The following MED13L variants were observed in gnomAD, a reference collection of about 807,000 sequenced individuals.
MED13L encodes mediator complex subunit 13L, also known as mediator of RNA polymerase II transcription subunit 13-like.
A neutral mutation model predicts 220.9 loss-of-function variants in MED13L; 7 were observed. That is an observed-to-expected ratio of 0.03 (90% CI 0.02 to 0.06). MED13L has a LOEUF of 0.06. Among genes scored for constraint, MED13L ranks in the 10% least tolerant of loss-of-function variants. The pLI is 1.00. For missense variants in MED13L, 1,965 were observed against 2,760.5 expected, an observed-to-expected ratio of 0.71 and a Z score of 6.46; for synonymous variants, 1,011 against 1,015.2, an observed-to-expected ratio of 1.00 and a Z score of 0.08.
At chr12:116,254,598 C>G (rs1871875038) in intron 1 of MED13L, among the ~76,000 whole-genome samples, 1 of 151,792 alleles carries the variant, frequency 6.6e-6, no homozygotes, top group Non-Finnish European at 1.5e-5. Flanking sequence ...AAAACACAAA[C>G]AAATTAGCCA....
intron 4 of MED13L, among the ~76,000 whole-genome samples, chr12:116,083,440 A>C (rs1325991243): frequency 1.3e-5 from 2 of 151,492 alleles, no homozygotes; most frequent in African/African-American, 4.8e-5. Flanking sequence ...CCTGCGCAAC[A>C]AAGTGGACAT....
intron 4 of MED13L, among the ~76,000 whole-genome samples, chr12:116,058,514 A>G (rs1054500050): frequency 1.3e-5 from 2 of 152,150 alleles, no homozygotes; most frequent in African/African-American, 2.4e-5. Context: ...TGGCAATAAA[A>G]CCTATCATTT....
intron 1 of MED13L, among the ~76,000 whole-genome samples, chr12:116,256,682 C>CTTTTTTTT (rs35608298): frequency 8.3e-5 from 8 of 96,250 alleles, no homozygotes; most frequent in Admixed American, 1.4e-4. Context: ...AAACAAACTA[C>CTTTTTTTT]TTTTTTTTTT....
At position 116,211,936 on chromosome 12, in the gene MED13L, AGTACT is replaced by A. The variant is rs548483419; in HGVS notation, c.310+25527_310+25531del. ...TAAAGCAACATGAGAGTAGGCATATAGTACTGTAGTTTAATAAATAACTATTAAAA... is the reference window on the plus strand; with the variant it reads ...TAAAGCAACATGAGAGTAGGCATATAGTAGTTTAATAAATAACTATTAAAA... On this transcript the variant is annotated intron_variant, in intron 2 of 30. Coordinates refer to ENST00000281928, the MANE Select transcript of MED13L (RefSeq NM_015335.5). Among the ~76,000 whole-genome samples, 732 of 152,282 alleles carry A rather than the reference AGTACT, an allele frequency of 4.8e-3. 5 individuals are homozygous for A. Among genetic ancestry groups the A allele is most frequent in the Non-Finnish European group, 8.2e-3 (558 of 68,016 alleles).
At chr12:116,146,795 G>T (rs186428041) in intron 2 of MED13L, among the ~76,000 whole-genome samples, 8 of 152,018 alleles carry the variant, frequency 5.3e-5, no homozygotes, top group African/African-American at 1.9e-4. Flanking sequence ...TTGAACCCAG[G>T]AGGCGAAAGT....
intron 4 of MED13L, among the ~76,000 whole-genome samples, chr12:116,092,484 G>C (rs1443121383): frequency 6.6e-6 from 1 of 152,150 alleles, no homozygotes; most frequent in Non-Finnish European, 1.5e-5. Context: ...TATCTTTGAG[G>C]AGATAAAGGG....
In MED13L at chr12:115,983,402, G is replaced by T; in HGVS notation, c.4670C>A (p.Pro1557Gln). The T allele has an allele frequency of 6.2e-7, 1 of 1,614,158 alleles. No individual in the cohort carries two copies. Among genetic ancestry groups the T allele is most frequent in the South Asian group, 1.1e-5 (1 of 91,082 alleles). The change falls in exon 21 of 31, where the codon CCA becomes CAA. Residue 1557 changes from proline (P) to glutamine (Q), a missense_variant. Physicochemically the swap from Pro to Gln is moderately conservative, Grantham distance 76. Transcript: ENST00000281928. Reference sequence around the variant, plus strand: ...GGTGGGATTAAATGCACTGCCAGCTGGGGGAGCTGCTGATCCATTTGGAGC... The same window carrying T: ...GGTGGGATTAAATGCACTGCCAGCTTGGGGAGCTGCTGATCCATTTGGAGC... ...PLAPNGSAAP[P>Q]AGSAFNPTSN...
chr12:116,045,814 T>G (rs1474474053), intron 4 of MED13L, among the ~76,000 whole-genome samples: 1 of 151,988 alleles, frequency 6.6e-6, no homozygotes, highest in African/African-American at 2.4e-5. Flanking sequence ...TAAAAATTAT[T>G]AAGTCACAAA....
intron 4 of MED13L, among the ~76,000 whole-genome samples, chr12:116,058,586 T>C (rs1869164040): frequency 1.3e-5 from 2 of 152,198 alleles, no homozygotes; most frequent in African/African-American, 2.4e-5. Flanking sequence ...ACCATTTATA[T>C]GACCTCCCAC....
chr12:116,030,765 TA>T (rs1384927881), intron 4 of MED13L, among the ~76,000 whole-genome samples: 1 of 152,084 alleles, frequency 6.6e-6, no homozygotes. Flanking sequence ...AAGAACACTA[TA>T]AATACAGTAA....
intron 2 of MED13L, among the ~76,000 whole-genome samples, chr12:116,138,680 A>G (rs1398032886): frequency 1.3e-5 from 2 of 152,248 alleles, no homozygotes; most frequent in Non-Finnish European, 2.9e-5. Flanking sequence ...AATTCCTCAA[A>G]AAACATCTGC....
At chr12:115,981,513 C>CA (rs1374566805) in intron 22 of MED13L, among the ~76,000 whole-genome samples, 3 of 151,828 alleles carry the variant, frequency 2.0e-5, no homozygotes, top group African/African-American at 7.3e-5. Context: ...ATAAAGCTGT[C>CA]AAAGGTGCAG....
intron 16 of MED13L, among the ~76,000 whole-genome samples, chr12:115,994,677 G>T (rs1036076866): frequency 5.9e-5 from 9 of 152,152 alleles, no homozygotes; most frequent in African/African-American, 1.7e-4. Context: ...CTGCTGAATG[G>T]GTTCTTAAAA....
chr12:116,199,089 T>C (rs1881838503), intron 2 of MED13L, among the ~76,000 whole-genome samples: 1 of 152,188 alleles, frequency 6.6e-6, no homozygotes, highest in Non-Finnish European at 1.5e-5. Flanking sequence ...AGTTACCATG[T>C]TCTTATTTGC....
intron 4 of MED13L, among the ~76,000 whole-genome samples, chr12:116,083,058 G>A (rs1337228351): frequency 1.3e-5 from 2 of 152,098 alleles, no homozygotes; most frequent in Non-Finnish European, 2.9e-5. Context: ...TATGAAACAG[G>A]CTTTCAAAGA....
rs542425590 is a variant in MED13L at position 116,007,645 on chromosome 12, CAAAAAAA to C, written c.2013-16_2013-10del. ...TAGGTTGTGCTAAGAGTCTAAAAGA[CAAAAAAA>C]AAAAAAAAAAAAAGAGCATTTATGC... On this transcript the variant is annotated splice_polypyrimidine_tract_variant and intron_variant, in intron 10 of 30. Transcript: ENST00000281928. 1.0e-4 allele frequency: 77 copies of C among 759,724 alleles called. No individual in the cohort carries two copies. Among genetic ancestry groups the C allele is most frequent in the South Asian group, 1.7e-4 (7 of 41,420 alleles). The allele number at this position is 759,724 out of a possible 1,614,324, so 47.1% of individuals were successfully genotyped here. A position where few individuals can be genotyped will look rare whatever the true frequency, so the allele number is the denominator to read the frequency against.
chr12:116,244,977 T>G (rs141857258), intron 1 of MED13L, among the ~76,000 whole-genome samples: 169 of 151,714 alleles, frequency 1.1e-3, no homozygotes, highest in Middle Eastern at 3.4e-3. Context: ...GAAAAGAAAA[T>G]AAAATAAGAA....
At chr12:116,211,855 A>C (rs1565930649) in intron 2 of MED13L, among the ~76,000 whole-genome samples, 1 of 152,196 alleles carries the variant, frequency 6.6e-6, no homozygotes, top group Non-Finnish European at 1.5e-5. Context: ...CTTTTGTTAG[A>C]TATGTCTCTG....
At chr12:116,272,306 T>G (rs1197615226) in intron 1 of MED13L, among the ~76,000 whole-genome samples, 1 of 152,194 alleles carries the variant, frequency 6.6e-6, no homozygotes, top group Non-Finnish European at 1.5e-5. Context: ...CTCATGCCTG[T>G]AATCCCAGCA....
Sources: gnomAD v4.1 joint callset for allele counts (sites outside exome capture counted in the v4.1 genomes callset) on GRCh38, gnomAD v4.1.1 for gene constraint, MANE v1.5 for transcripts, NCBI Gene and HGNC (gene_info 2026-07-23, HGNC 2026-07-21) for gene names.